FADS2: variants seen among roughly 807,000 people sequenced by gnomAD.
FADS2 encodes fatty acid desaturase 2.
In FADS2, 18 loss-of-function variants were observed where a neutral mutation model predicts 61.2. The observed-to-expected ratio is 0.29, with a 90% CI of 0.20 to 0.44. The LOEUF is 0.44. Among genes scored for constraint, FADS2 ranks in the 20% least tolerant of loss-of-function variants. The pLI, the probability that FADS2 is intolerant of heterozygous loss-of-function variation, is 1.00. For synonymous variants in FADS2, 203 were observed against 223.9 expected (o/e 0.91, Z 0.83); for missense variants, 322 against 572.7 (o/e 0.56, Z 4.47).
At chr11:61,831,494 C>T (rs945120297) in intron 1 of FADS2, among the ~76,000 whole-genome samples, 3 of 152,078 alleles carry the variant, frequency 2.0e-5, no homozygotes, top group Non-Finnish European at 2.9e-5. Context: ...CAATCAGGGG[C>T]CTCAATAGGG....
At chr11:61,828,244 G>A, upstream of FADS2, 1 of 1,435,484 alleles carries the variant, frequency 7.0e-7, no homozygotes, top group African/African-American at 1.4e-5. The surrounding 1 kb of genome is among the most constrained non-coding windows in gnomAD (Gnocchi z 6.4). Flanking sequence ...CTGGGGGAGG[G>A]GGCGCGGTGG....
chr11:61,857,628 G>A (rs2067373691), intron 7 of FADS2, 98 bp downstream of exon 7: 3 of 1,088,852 alleles, frequency 2.8e-6, no homozygotes, highest in Non-Finnish European at 4.2e-6. Flanking sequence ...CCCCAGTGGA[G>A]CCTGTGGGGC....
At chr11:61,827,974 G>T, upstream of FADS2, 1 of 976,200 alleles carries the variant, frequency 1.0e-6, no homozygotes, top group Non-Finnish European at 1.3e-6. This position sits in a 1 kb window ranked among gnomAD's most constrained non-coding sequence, Gnocchi z 4.5. Flanking sequence ...GACCGGATTG[G>T]TGCAGGCGCT....
At chr11:61,822,920 ATTTTC>A (rs1433429405) in intron 1 of FADS2, among the ~76,000 whole-genome samples, 3 of 152,152 alleles carry the variant, frequency 2.0e-5, no homozygotes, top group Non-Finnish European at 2.9e-5. Flanking sequence ...ATTTCTGAAC[ATTTTC>A]TTAGGATAAA....
chr11:61,821,003 C>A (rs1195380812), intron 1 of FADS2, among the ~76,000 whole-genome samples: 1 of 152,160 alleles, frequency 6.6e-6, no homozygotes, highest in Non-Finnish European at 1.5e-5. Context: ...TGTCGTGTTG[C>A]CCTCTCATCT....
chr11:61,863,735 CCTT>C lies in FADS2; in HGVS notation c.1111_1113del (p.Phe371del). 1.2e-6 allele frequency: 2 copies of C among 1,614,184 alleles called. No homozygotes were observed. The highest frequency in any genetic ancestry group is 1.7e-6 in the Non-Finnish European group (2 of 1,180,004). ...ACAGCCACCTGCAACGTGGAGCAGT[CCTT>C]CTTCAACGACTGGTTCAGTGGACAC... is the stretch of plus-strand genomic sequence containing the variant. On this transcript the variant is annotated inframe_deletion, in exon 10 of 12. Transcript: ENST00000278840.
intron 5 of FADS2, chr11:61,856,800 G>A: frequency 1.7e-6 from 1 of 582,078 alleles, no homozygotes; most frequent in Non-Finnish European, 3.1e-6. Context: ...CTAGGGCTGA[G>A]GAAGCGTTGG....
intron 7 of FADS2, among the ~76,000 whole-genome samples, chr11:61,860,741 CGAA>C (rs2135978770): frequency 1.3e-5 from 2 of 152,152 alleles, no homozygotes; most frequent in East Asian, 3.9e-4. Context: ...GCAACATGGG[CGAA>C]ACCCTGTCTC....
In FADS2 at chr11:61,848,167, T is replaced by G. The variant is rs749964341; in HGVS notation, c.627T>G (p.Ser209=). 6.2e-7 allele frequency: 1 copy of G among 1,614,174 alleles called. No individual in the cohort carries two copies. Among genetic ancestry groups the G allele is most frequent in the South Asian group, 1.1e-5 (1 of 91,076 alleles). ...CCCCTCTCTCCCCACAGGGTGCCTCTGCCAACTGGTGGAATCATCGCCACT... is the reference window on the plus strand; with the variant it reads ...CCCCTCTCTCCCCACAGGGTGCCTCGGCCAACTGGTGGAATCATCGCCACT... ...KFVIGHLKGA[S]ANWWNHRHFQ... is the part of the protein sequence containing the mutation. The change falls in exon 5 of 12, where the codon TCT becomes TCG. Residue 209 remains serine, a synonymous_variant. Coordinates refer to ENST00000278840, the MANE Select transcript of FADS2 (RefSeq NM_004265.4).
At chr11:61,824,269 C>G (rs1414585869), upstream of FADS2, among the ~76,000 whole-genome samples, 1 of 151,514 alleles carries the variant, frequency 6.6e-6, no homozygotes, top group Non-Finnish European at 1.5e-5. Context: ...GTAATCCCAG[C>G]TACTCGGGAG....
chr11:61,816,948 C>A lies in FADS2; in HGVS notation c.141+522C>A. On this transcript the variant is annotated intron_variant, in intron 1 of 11. Transcript: ENST00000257261. This position sits in a 1 kb window ranked among gnomAD's most constrained non-coding sequence, Gnocchi z 7.0. ...TTCCCATTGGCCGAGCCTCGTGGCG[C>A]GGGGAGCGAGATCCCGTCCCCCGGT... 7.3e-7 allele frequency: 1 copy of A among 1,375,094 alleles called. No homozygotes were observed. Among genetic ancestry groups the A allele is most frequent in the Non-Finnish European group, 9.3e-7 (1 of 1,072,898 alleles). 85.2% of individuals were successfully genotyped at this position (1,375,094 alleles called of 1,614,324 possible).
chr11:61,865,430 C>T lies in FADS2; in HGVS notation c.1283+153C>T, dbSNP rs2067459986. The T allele has an allele frequency of 1.9e-6, 2 of 1,066,768 alleles. No individual in the cohort carries two copies. The highest frequency in any genetic ancestry group is 2.7e-6 in the Non-Finnish European group (2 of 745,704). The allele number at this position is 1,066,768 out of a possible 1,614,324, so 66.1% of individuals were successfully genotyped here. Reference sequence around the variant, plus strand: ...GTGTTAGGAGCTGTTGGGCTTTTCTCCCTGGGCTGCGAGAAGACCATCCCT... The same window carrying T: ...GTGTTAGGAGCTGTTGGGCTTTTCTTCCTGGGCTGCGAGAAGACCATCCCT... On this transcript the variant is annotated intron_variant, in intron 11 of 11. Transcript: ENST00000278840. This position sits in a 1 kb window ranked among gnomAD's most constrained non-coding sequence, Gnocchi z 4.1.
intron 8 of FADS2, 44 bp downstream of exon 8, chr11:61,863,113 C>A: frequency 6.4e-7 from 1 of 1,550,740 alleles, no homozygotes; most frequent in Non-Finnish European, 8.9e-7. Flanking sequence ...TCCACTGGCA[C>A]TGATGATGGC....
chr11:61,824,912 G>A (rs991926756), upstream of FADS2, among the ~76,000 whole-genome samples: 1 of 152,170 alleles, frequency 6.6e-6, no homozygotes, highest in African/African-American at 2.4e-5. Context: ...TCAGGTGTTG[G>A]CCGGGTGCAG....
At chr11:61,830,338 T>C (rs928160121) in intron 1 of FADS2, among the ~76,000 whole-genome samples, 7 of 152,256 alleles carry the variant, frequency 4.6e-5, no homozygotes, top group African/African-American at 1.7e-4. Context: ...TATTTTCTTA[T>C]GTGAACGCTT....
At chr11:61,840,875 A>C in intron 4 of FADS2, 150 bp downstream of exon 4, 1 of 662,308 alleles carries the variant, frequency 1.5e-6, no homozygotes, top group South Asian at 1.8e-5. Context: ...CATTCTGCTG[A>C]CTTCCTGAGC....
In FADS2 at chr11:61,863,358, C is replaced by G; in HGVS notation, c.1057C>G (p.Arg353Gly). ...IVMEIDQEAY[R>G]DWFSSQLTAT... ...CATGGAGATTGACCAGGAGGCCTAC[C>G]GTGACTGGTTCAGTAGCCAGGTAGG... The change falls in exon 9 of 12, where the codon CGT (arginine) becomes GGT (glycine). Residue 353 changes from arginine (R) to glycine (G), a missense_variant. Arg to Gly is a moderately radical substitution (Grantham distance 125, BLOSUM62 -2). Transcript: ENST00000278840. The G allele has an allele frequency of 6.2e-7, 1 of 1,613,472 alleles. No homozygotes were observed. Among genetic ancestry groups the G allele is most frequent in the Non-Finnish European group, 8.5e-7 (1 of 1,179,404 alleles).
intron 1 of FADS2, chr11:61,821,390 A>G (rs2067035278): frequency 2.8e-6 from 2 of 701,768 alleles, no homozygotes; most frequent in Non-Finnish European, 5.2e-6. Context: ...GAAAAGAAAA[A>G]AAAAGACCTT....
chr11:61,842,799 A>G (rs2067227280), intron 4 of FADS2, among the ~76,000 whole-genome samples: 1 of 152,244 alleles, frequency 6.6e-6, no homozygotes, highest in Admixed American at 6.5e-5. Flanking sequence ...GCAGGTGCAC[A>G]GCCATGGGGA....
Sources: gnomAD v4.1 joint callset for allele counts (sites outside exome capture counted in the v4.1 genomes callset) on GRCh38, gnomAD v4.1.1 for gene constraint, Gnocchi (gnomAD v3.1) non-coding constraint, MANE v1.5 for transcripts, NCBI Gene and HGNC (gene_info 2026-07-23, HGNC 2026-07-21) for gene names.